RXRA: variants seen among roughly 807,000 people sequenced by gnomAD.
The protein encoded by RXRA is retinoid X receptor alpha.
A neutral mutation model predicts 44.5 loss-of-function variants in RXRA; 5 were observed. That is an observed-to-expected ratio of 0.11 (90% CI 0.06 to 0.24). The LOEUF (loss-of-function observed/expected upper bound fraction) is 0.24. Among genes scored for constraint, RXRA ranks in the 10% least tolerant of loss-of-function variants. The pLI is 1.00. For missense variants in RXRA, 412 were observed against 646.5 expected (o/e 0.64, Z 3.93); for synonymous variants, 291 against 271.4 (o/e 1.07, Z -0.71).
chr9:134,347,257 G>C (rs1830164175), intron 1 of RXRA, among the ~76,000 whole-genome samples: 1 of 152,188 alleles, frequency 6.6e-6, no homozygotes, highest in Non-Finnish European at 1.5e-5. Flanking sequence ...AAAGGGCCAA[G>C]GGAAGTAATA....
chr9:134,382,048 G>A (rs1037898239), intron 1 of RXRA, among the ~76,000 whole-genome samples: 36 of 152,288 alleles, frequency 2.4e-4, no homozygotes, highest in Non-Finnish European at 3.4e-4. Flanking sequence ...AGAGGCCAGC[G>A]GGCCAGCTGG....
intron 1 of RXRA, among the ~76,000 whole-genome samples, chr9:134,383,083 C>T (rs1830669917): frequency 6.6e-6 from 1 of 152,170 alleles, no homozygotes; most frequent in South Asian, 2.1e-4. Context: ...TGTGTGCACA[C>T]TGTGGGGACA....
intron 1 of RXRA, among the ~76,000 whole-genome samples, chr9:134,354,546 C>T (rs1179933813): frequency 6.6e-6 from 1 of 152,226 alleles, no homozygotes; most frequent in Non-Finnish European, 1.5e-5. Context: ...GGTACCCAGG[C>T]CACACCCCAG....
chr9:134,332,811 G>A (rs1835025947), intron 1 of RXRA, among the ~76,000 whole-genome samples: 1 of 152,136 alleles, frequency 6.6e-6, no homozygotes, highest in Non-Finnish European at 1.5e-5. Context: ...CTCTCCAGGT[G>A]GCTCACTGGT....
rs536257685 is a variant in RXRA at position 134,408,139 on chromosome 9, C to T, written c.280-10C>T. 2.8e-6 allele frequency: 4 copies of T among 1,431,946 alleles called. No homozygotes were observed. In the African/African-American group the frequency reaches 9.8e-5, roughly 35 times the overall value. The allele number at this position is 1,431,946 out of a possible 1,614,324, so 88.7% of individuals were successfully genotyped here. ...TACACCCCGCTGACTGCTGTGGTTGCCCCCCCCAGCTCAGCTCACCTATGA... is the reference window on the plus strand; with the variant it reads ...TACACCCCGCTGACTGCTGTGGTTGTCCCCCCCAGCTCAGCTCACCTATGA... On this transcript the variant is annotated splice_polypyrimidine_tract_variant and intron_variant, in intron 2 of 9. Coordinates refer to ENST00000481739, the MANE Select transcript of RXRA (RefSeq NM_002957.6).
chr9:134,429,392 A>T (rs1396823020), intron 7 of RXRA, 152 bp downstream of exon 7: 1 of 876,996 alleles, frequency 1.1e-6, no homozygotes, highest in Admixed American at 3.0e-5. Context: ...AAGCATGAGG[A>T]GGAGGCTCAG....
At chr9:134,363,122 GGTGCCATGTTCTCCCT>G (rs2119066013) in intron 1 of RXRA, among the ~76,000 whole-genome samples, 1 of 152,328 alleles carries the variant, frequency 6.6e-6, no homozygotes, top group African/African-American at 2.4e-5. Context: ...GGGGCTGTTG[GGTGCCATGTTCTCCCT>G]GTGCCATGTG....
At chr9:134,409,550 C>T (rs1831114192) in intron 4 of RXRA, among the ~76,000 whole-genome samples, 1 of 152,172 alleles carries the variant, frequency 6.6e-6, no homozygotes, top group African/African-American at 2.4e-5. Context: ...TTTTTGTGCT[C>T]GTCTTATTAA....
intron 9 of RXRA, among the ~76,000 whole-genome samples, chr9:134,435,402 C>A (rs114331844): frequency 6.8e-5 from 10 of 147,068 alleles, no homozygotes; most frequent in South Asian, 6.5e-4. Context: ...CCCGCCCCCC[C>A]ACTGGTCCCT....
At chr9:134,423,097 C>T (rs35362553) in intron 6 of RXRA, 63,854 of 985,412 alleles carry the variant, frequency 0.065, 2,134 homozygotes, top group African/African-American at 0.068. Context: ...GCAGGCCCCC[C>T]GCAAAGCTGG....
chr9:134,384,746 C>T (rs1164887813), intron 1 of RXRA, among the ~76,000 whole-genome samples: 1 of 152,158 alleles, frequency 6.6e-6, no homozygotes, highest in African/African-American at 2.4e-5. Flanking sequence ...GGAAAGGAGC[C>T]CTCTGTGTCC....
chr9:134,368,439 C>T (rs1398121049), intron 1 of RXRA, among the ~76,000 whole-genome samples: 1 of 152,254 alleles, frequency 6.6e-6, no homozygotes, highest in African/African-American at 2.4e-5. Context: ...GGAGATGCGC[C>T]CTCCAGGATG....
intron 1 of RXRA, among the ~76,000 whole-genome samples, chr9:134,393,561 A>T (rs1588283894): frequency 6.6e-6 from 1 of 152,102 alleles, no homozygotes; most frequent in Admixed American, 6.5e-5. Flanking sequence ...AGACTCGGGG[A>T]AGGTGGTGCG....
chr9:134,379,829 C>A, intron 1 of RXRA: 3 of 985,346 alleles, frequency 3.0e-6, no homozygotes, highest in Non-Finnish European at 3.6e-6. Flanking sequence ...AACCCTGGGG[C>A]CTTGTGTGGG....
At chr9:134,388,493 A>G (rs987938946) in intron 1 of RXRA, among the ~76,000 whole-genome samples, 1 of 151,974 alleles carries the variant, frequency 6.6e-6, no homozygotes, top group African/African-American at 2.4e-5. Flanking sequence ...TGATTTGTGC[A>G]CCTTTCCCCA....
Position 134,433,299 on chromosome 9 carries a change from G to A in RXRA, c.1136-803G>A, listed in dbSNP as rs1417049330. Among the ~76,000 whole-genome samples, 2 of 152,176 alleles carry A rather than the reference G, an allele frequency of 1.3e-5. No individual in the cohort carries two copies. The highest frequency in any genetic ancestry group is 3.2e-3 in the Middle Eastern group (1 of 316). ...GTGTGGTCTGGTTGCTAGAGCTGGG[G>A]CACCAGCAGGACCTGGGCACCGGCT... is the stretch of plus-strand genomic sequence containing the variant. On this transcript the variant is annotated intron_variant, in intron 8 of 9. Coordinates refer to ENST00000481739, the MANE Select transcript of RXRA (RefSeq NM_002957.6). This position sits in a 1 kb window ranked among gnomAD's most constrained non-coding sequence, Gnocchi z 4.2.
Position 134,421,564 on chromosome 9 carries a change from G to A in RXRA, c.781-112G>A, listed in dbSNP as rs34359055. The A allele has an allele frequency of 9.0e-4, 1,110 of 1,236,832 alleles. 1 individual carries two copies. The highest frequency in any genetic ancestry group is 2.7e-3 in the Middle Eastern group (12 of 4,466). The allele number at this position is 1,236,832 out of a possible 1,614,324, so 76.6% of individuals were successfully genotyped here. ...TGGGGCCTGGGCATCTTTGGGGGCC[G>A]TATTCAGCGTCCTGCATGGGCCCAG... On this transcript the variant is annotated intron_variant, in intron 5 of 9. Coordinates refer to ENST00000481739, the MANE Select transcript of RXRA (RefSeq NM_002957.6).
At chr9:134,428,372 A>G (rs1419947736) in intron 6 of RXRA, among the ~76,000 whole-genome samples, 3 of 96,874 alleles carry the variant, frequency 3.1e-5, no homozygotes, top group Non-Finnish European at 6.2e-5. Context: ...TCTGCCCCCC[A>G]GGGAACCCCC....
At chr9:134,422,770 A>T (rs1222402052) in intron 6 of RXRA, 1 of 985,246 alleles carries the variant, frequency 1.0e-6, no homozygotes, top group Non-Finnish European at 1.2e-6. Flanking sequence ...CCTCATAAGG[A>T]GGTGTACCAT....
Sources: allele counts gnomAD v4.1 joint callset (sites outside exome capture counted in the v4.1 genomes callset), GRCh38; gene constraint gnomAD v4.1.1; non-coding constraint Gnocchi (gnomAD v3.1); transcripts MANE v1.5; gene names NCBI Gene and HGNC (gene_info 2026-07-23, HGNC 2026-07-21).